The following ERI3 variants were observed in gnomAD, a reference collection of about 807,000 sequenced individuals.
ERI3 encodes ERI1 exoribonuclease 3.
A neutral mutation model predicts 44.4 loss-of-function variants in ERI3; 18 were observed. The ratio of observed to expected loss-of-function variants is 0.41; its 90% CI spans 0.28 to 0.60. The LOEUF (loss-of-function observed/expected upper bound fraction) is 0.60. ERI3 is among the 20% of genes least tolerant of loss of function. The pLI, the probability that ERI3 is intolerant of heterozygous loss-of-function variation, is 0.36. For missense variants in ERI3, 294 were observed against 435.5 expected (o/e 0.68, Z 2.89); for synonymous variants, 183 against 164.8 (o/e 1.11, Z -0.84).
intron 4 of ERI3, among the ~76,000 whole-genome samples, chr1:44,315,320 G>A (rs984665251): frequency 6.6e-6 from 1 of 152,202 alleles, no homozygotes; most frequent in Non-Finnish European, 1.5e-5. Context: ...CCCTTGCCAA[G>A]AGCCCTCCCT....
intron 8 of ERI3, among the ~76,000 whole-genome samples, chr1:44,246,596 A>G (rs1644559337): frequency 6.6e-6 from 1 of 152,242 alleles, no homozygotes; most frequent in African/African-American, 2.4e-5. Context: ...AGATGCCCCC[A>G]TATCACTACC....
chr1:44,273,661 T>A (rs1438668693), intron 7 of ERI3, among the ~76,000 whole-genome samples: 1 of 152,130 alleles, frequency 6.6e-6, no homozygotes, highest in African/African-American at 2.4e-5. Context: ...AAGCAGATAA[T>A]TACAAAAGCA....
At chr1:44,224,143 G>A (rs1345276606) in intron 8 of ERI3, among the ~76,000 whole-genome samples, 1 of 152,026 alleles carries the variant, frequency 6.6e-6, no homozygotes. Context: ...CTTCTTCTCT[G>A]CCTAATCATC....
intron 3 of ERI3, among the ~76,000 whole-genome samples, chr1:44,329,489 C>G (rs1361242644): frequency 2.0e-5 from 3 of 152,210 alleles, no homozygotes; most frequent in African/African-American, 4.8e-5. Flanking sequence ...ACTACCAATC[C>G]CGTTCAGTTG....
chr1:44,272,929 T>C lies in ERI3; in HGVS notation c.831+11906A>G, dbSNP rs112850777. 8.4e-3 allele frequency among the ~76,000 whole-genome samples: 1,285 copies of C among 152,274 alleles called. 18 individuals carry two copies. The highest frequency in any genetic ancestry group is 0.029 in the African/African-American group (1,191 of 41,552). On this transcript the variant is annotated intron_variant, in intron 7 of 8. Transcript: ENST00000372257. ...AAACAAATTTACTATAGTTTTTTTT[T>C]CCATTATGTACTTTATCATTATATA...
At chr1:44,335,772 A>G in intron 3 of ERI3, among the ~76,000 whole-genome samples, 1 of 147,706 alleles carries the variant, frequency 6.8e-6, no homozygotes, top group African/African-American at 2.5e-5. Flanking sequence ...GCGAAACTCC[A>G]TCTCAAAAAA....
intron 6 of ERI3, among the ~76,000 whole-genome samples, chr1:44,303,799 GA>G (rs1645776985): frequency 6.6e-6 from 1 of 152,126 alleles, no homozygotes; most frequent in Non-Finnish European, 1.5e-5. Flanking sequence ...GTATTAAGCC[GA>G]GGGGTGACAT....
intron 3 of ERI3, among the ~76,000 whole-genome samples, chr1:44,329,326 AC>A (rs1420707610): frequency 6.6e-6 from 1 of 152,052 alleles, no homozygotes; most frequent in Non-Finnish European, 1.5e-5. Flanking sequence ...TGCTATCCTC[AC>A]CAGCCACCAC....
Position 44,241,939 on chromosome 1 carries a change from C to G in ERI3, c.931+6000G>C, listed in dbSNP as rs1374509501. On this transcript the variant is annotated intron_variant, in intron 8 of 8. Coordinates refer to ENST00000372257, the MANE Select transcript of ERI3 (RefSeq NM_024066.3). This position sits in a 1 kb window ranked among gnomAD's most constrained non-coding sequence, Gnocchi z 5.6. ...CCCATCCATCTAGCCATTCTTCCAT[C>G]TATGGTTGCTACTGAAGAACAGTCT... 6.1e-6 allele frequency: 6 copies of G among 985,596 alleles called. No individual in the cohort carries two copies. The East Asian group carries it at 6.8e-4, about 112-fold the overall frequency. The allele number at this position is 985,596 out of a possible 1,614,324, so 61.1% of individuals were successfully genotyped here.
intron 6 of ERI3, 114 bp from the exon 7 acceptor site, chr1:44,285,021 C>T (rs1645363538): frequency 1.2e-6 from 1 of 861,246 alleles, no homozygotes; most frequent in Admixed American, 2.1e-5. Context: ...AAAAGGTCAA[C>T]CCATTAGCCA....
At chr1:44,349,818 G>T (rs1389552998) in intron 2 of ERI3, among the ~76,000 whole-genome samples, 1 of 152,180 alleles carries the variant, frequency 6.6e-6, no homozygotes, top group East Asian at 1.9e-4. Context: ...GAAGGCACTT[G>T]CCCAAGGTCA....
At chr1:44,231,145 C>T (rs549260019) in intron 8 of ERI3, among the ~76,000 whole-genome samples, 1 of 152,208 alleles carries the variant, frequency 6.6e-6, no homozygotes, top group South Asian at 2.1e-4. Context: ...GTGCATAAAA[C>T]AAAGTTTTGA....
At chr1:44,354,506 T>G in intron 1 of ERI3, 3 of 985,406 alleles carry the variant, frequency 3.0e-6, no homozygotes, top group Non-Finnish European at 3.6e-6. Context: ...AGGCCCTTAT[T>G]CACTCCTTCC....
intron 6 of ERI3, among the ~76,000 whole-genome samples, chr1:44,291,865 C>G (rs185665678): frequency 6.6e-6 from 1 of 152,272 alleles, no homozygotes; most frequent in Non-Finnish European, 1.5e-5. Flanking sequence ...GGAGAAGGCA[C>G]CTTGGGACTC....
chr1:44,310,574 C>T (rs969032314), intron 5 of ERI3, among the ~76,000 whole-genome samples: 7 of 152,124 alleles, frequency 4.6e-5, no homozygotes, highest in Non-Finnish European at 7.4e-5. Context: ...AGACCGTGAA[C>T]GGCCTCGTGT....
At chr1:44,290,874 G>T (rs78207031) in intron 6 of ERI3, among the ~76,000 whole-genome samples, 3,235 of 152,228 alleles carry the variant, frequency 0.021, 110 homozygotes, top group African/African-American at 0.075. Flanking sequence ...ATTACACTGT[G>T]GCATCGAGGT....
intron 7 of ERI3, among the ~76,000 whole-genome samples, chr1:44,267,890 C>A (rs1335294773): frequency 6.6e-6 from 1 of 152,226 alleles, no homozygotes; most frequent in Non-Finnish European, 1.5e-5. Flanking sequence ...CCAAGTAGGG[C>A]AATCTAGGGT....
intron 8 of ERI3, among the ~76,000 whole-genome samples, chr1:44,238,625 C>T (rs531261510): frequency 1.3e-5 from 2 of 152,252 alleles, no homozygotes; most frequent in East Asian, 3.9e-4. Flanking sequence ...CCTATCCCAA[C>T]CCAAGAGTGA....
At chr1:44,337,325 G>C (rs1646554637) in intron 3 of ERI3, among the ~76,000 whole-genome samples, 1 of 152,100 alleles carries the variant, frequency 6.6e-6, no homozygotes, top group Non-Finnish European at 1.5e-5. Context: ...GTCCCACTAG[G>C]GCTTACCCAG....
Sources: allele counts gnomAD v4.1 joint callset (sites outside exome capture counted in the v4.1 genomes callset), GRCh38; gene constraint gnomAD v4.1.1; non-coding constraint Gnocchi (gnomAD v3.1); transcripts MANE v1.5; gene names NCBI Gene and HGNC (gene_info 2026-07-23, HGNC 2026-07-21).